The following CLIC5 variants were observed in gnomAD, a reference collection of about 807,000 sequenced individuals.
CLIC5 encodes the protein chloride intracellular channel protein 5.
Under a neutral mutation model 24.7 loss-of-function variants are expected in CLIC5, and 20 were observed. That is an observed-to-expected ratio of 0.81 (90% CI 0.57 to 1.18). The LOEUF (loss-of-function observed/expected upper bound fraction) is 1.18, where lower values mean the gene tolerates loss of function less well. Among genes scored for constraint, CLIC5 ranks in the 50% most tolerant of loss-of-function variants. The pLI, the probability that CLIC5 is intolerant of heterozygous loss-of-function variation, is 0.00. For synonymous variants in CLIC5, 159 were observed against 135.6 expected (o/e 1.17, Z -1.20); for missense variants, 341 against 326.1 (o/e 1.05, Z -0.35).
chr6:45,955,377 C>CCTGA, intron 1 of CLIC5, 133 bp from the exon 2 acceptor site: 2 of 630,628 alleles, frequency 3.2e-6, no homozygotes, highest in Non-Finnish European at 5.5e-6. Flanking sequence ...AGGGCGGTAG[C>CCTGA]CTGATATTAT....
At chr6:45,993,382 A>T (rs1766011749) in intron 1 of CLIC5, among the ~76,000 whole-genome samples, 1 of 152,174 alleles carries the variant, frequency 6.6e-6, no homozygotes, top group African/African-American at 2.4e-5. Flanking sequence ...TTTATTCAAC[A>T]ATCAATCAAG....
At chr6:46,059,130 C>T (rs957913508) in intron 1 of CLIC5, among the ~76,000 whole-genome samples, 1 of 152,178 alleles carries the variant, frequency 6.6e-6, no homozygotes, top group Non-Finnish European at 1.5e-5. Flanking sequence ...TAATAAATCC[C>T]TCTCTGCTTA....
At chr6:46,110,868 G>A in the CLIC5 span, among the ~76,000 whole-genome samples, 12 of 152,162 alleles carry the variant, frequency 7.9e-5, no homozygotes, top group African/African-American at 1.7e-4. Context: ...CAATCACTGT[G>A]TTTGCTGCAT....
At chr6:45,961,523 A>G (rs1201915230) in intron 1 of CLIC5, among the ~76,000 whole-genome samples, 1 of 152,246 alleles carries the variant, frequency 6.6e-6, no homozygotes, top group Non-Finnish European at 1.5e-5. Context: ...CCACATGAAA[A>G]GGACTTTCTT....
At chr6:46,070,547 A>C (rs1581918242) in intron 1 of CLIC5, among the ~76,000 whole-genome samples, 1 of 152,312 alleles carries the variant, frequency 6.6e-6, no homozygotes, top group East Asian at 1.9e-4. Flanking sequence ...TGAGAATTAT[A>C]AAACACTACT....
the CLIC5 span, among the ~76,000 whole-genome samples, chr6:46,118,142 T>G: frequency 3.3e-5 from 5 of 152,234 alleles, no homozygotes; most frequent in Non-Finnish European, 5.9e-5. Flanking sequence ...TTCTTACAGC[T>G]CTTGCTGTCT....
intron 4 of CLIC5, among the ~76,000 whole-genome samples, chr6:45,927,208 G>A (rs1763534819): frequency 6.6e-6 from 1 of 152,032 alleles, no homozygotes; most frequent in African/African-American, 2.4e-5. Flanking sequence ...CATCTGCCCT[G>A]GGTCAGATGC....
chr6:45,900,477 T>G lies in CLIC5; in HGVS notation c.*2611A>C, dbSNP rs1762481810. Reference sequence around the variant, plus strand: ...TTGCTGAGACATGATGTGCTGCACATATGATAAGAAGGCCAGACAGGCTGA... The same window carrying G: ...TTGCTGAGACATGATGTGCTGCACAGATGATAAGAAGGCCAGACAGGCTGA... On this transcript the variant is annotated 3_prime_UTR_variant, in exon 6 of 6. Transcript: ENST00000339561. 2 of 136,778 alleles carry G rather than the reference T, an allele frequency of 1.5e-5. No homozygotes were observed. 8.5% of individuals were successfully genotyped at this position (136,778 alleles called of 1,614,324 possible). A position where few individuals can be genotyped will look rare whatever the true frequency, so the allele number is the denominator to read the frequency against.
At chr6:45,973,860 G>T (rs1219439721) in intron 1 of CLIC5, among the ~76,000 whole-genome samples, 1 of 151,690 alleles carries the variant, frequency 6.6e-6, no homozygotes, top group Admixed American at 6.6e-5. Flanking sequence ...AACCCAGGAG[G>T]CAGAGGTTGC....
At chr6:45,947,864 T>A (rs1236335319) in intron 3 of CLIC5, among the ~76,000 whole-genome samples, 1 of 152,224 alleles carries the variant, frequency 6.6e-6, no homozygotes, top group Non-Finnish European at 1.5e-5. Context: ...TTAGAGTCTA[T>A]ACTCAGCTGC....
chr6:46,026,227 A>C (rs1026850597), intron 1 of CLIC5, among the ~76,000 whole-genome samples: 1 of 152,166 alleles, frequency 6.6e-6, no homozygotes, highest in African/African-American at 2.4e-5. Context: ...TTTAAGAAGA[A>C]TCTATCCTAA....
At chr6:45,964,696 C>T (rs1334417185) in intron 1 of CLIC5, among the ~76,000 whole-genome samples, 1 of 152,150 alleles carries the variant, frequency 6.6e-6, no homozygotes, top group Non-Finnish European at 1.5e-5. Context: ...TTATTCCAGC[C>T]CCCAGCTTTT....
chr6:45,935,426 A>G (rs1406262380), intron 4 of CLIC5, among the ~76,000 whole-genome samples: 1 of 152,224 alleles, frequency 6.6e-6, no homozygotes, highest in African/African-American at 2.4e-5. Flanking sequence ...GGGGGAGGAC[A>G]GACCTAACTG....
chr6:45,933,011 A>G (rs183824504), intron 4 of CLIC5, among the ~76,000 whole-genome samples: 35 of 152,320 alleles, frequency 2.3e-4, no homozygotes, highest in Admixed American at 1.6e-3. Flanking sequence ...AGATAAACTC[A>G]CTGAGGTTCC....
At chr6:45,957,190 G>A (rs1206221081) in intron 1 of CLIC5, among the ~76,000 whole-genome samples, 1 of 152,184 alleles carries the variant, frequency 6.6e-6, no homozygotes, top group African/African-American at 2.4e-5. Flanking sequence ...TAAGGGAATT[G>A]AAGGAGGAAC....
At chr6:45,996,564 T>C (rs1185745538) in intron 1 of CLIC5, among the ~76,000 whole-genome samples, 1 of 152,176 alleles carries the variant, frequency 6.6e-6, no homozygotes, top group Non-Finnish European at 1.5e-5. Context: ...TTTCTACATA[T>C]GGCTAGCCAG....
chr6:45,885,485 C>T (rs1015678398), intron 6 of CLIC5, among the ~76,000 whole-genome samples: 16 of 152,076 alleles, frequency 1.1e-4, no homozygotes, highest in African/African-American at 3.6e-4. Flanking sequence ...AACAGAAGAT[C>T]GTTATTAAAA....
intron 4 of CLIC5, among the ~76,000 whole-genome samples, chr6:45,936,062 A>G (rs1359999094): frequency 6.6e-6 from 1 of 151,672 alleles, no homozygotes; most frequent in East Asian, 1.9e-4. Flanking sequence ...CTGTCATCCC[A>G]TCTATGTGAT....
chr6:45,938,663 T>C (rs920572610), intron 4 of CLIC5, among the ~76,000 whole-genome samples: 4 of 152,026 alleles, frequency 2.6e-5, no homozygotes, highest in African/African-American at 9.7e-5. Flanking sequence ...TTATAAGAAA[T>C]GGATATGCGG....
Sources: allele counts gnomAD v4.1 joint callset (sites outside exome capture counted in the v4.1 genomes callset), GRCh38; gene constraint gnomAD v4.1.1; transcripts MANE v1.5; gene names NCBI Gene and HGNC (gene_info 2026-07-23, HGNC 2026-07-21).